Variants in SGCZ observed in about 807,000 individuals in gnomAD.
The protein encoded by SGCZ is zeta-sarcoglycan.
Under a neutral mutation model 41.3 loss-of-function variants are expected in SGCZ, and 40 were observed. That is an observed-to-expected ratio of 0.97 (90% CI 0.75 to 1.26). The LOEUF is 1.26. Ranked by LOEUF, SGCZ falls within the 50% of genes most tolerant of loss-of-function variation. The probability of loss-of-function intolerance (pLI) is 0.00; values close to 1 mark genes in which losing one functional copy is unlikely to be tolerated. For synonymous variants in SGCZ, 206 were observed against 137.5 expected (o/e 1.50, Z -3.49); for missense variants, 552 against 369.8 (o/e 1.49, Z -4.04).
intron 1 of SGCZ, among the ~76,000 whole-genome samples, chr8:14,676,749 T>A (rs553326825): frequency 3.3e-5 from 5 of 152,286 alleles, no homozygotes; most frequent in Admixed American, 2.6e-4. Context: ...GAAAAGAATC[T>A]GATAAAATCC....
At chr8:14,464,265 GA>G (rs1237727746) in intron 2 of SGCZ, among the ~76,000 whole-genome samples, 1 of 150,124 alleles carries the variant, frequency 6.7e-6, no homozygotes, top group African/African-American at 2.5e-5. Flanking sequence ...TTTGTCAGGA[GA>G]TTTTTTTTTG....
chr8:15,092,931 T>G (rs1563120992), intron 1 of SGCZ, among the ~76,000 whole-genome samples: 2 of 152,202 alleles, frequency 1.3e-5, no homozygotes, highest in South Asian at 4.1e-4. Flanking sequence ...AAATAACTCT[T>G]GGATATGCAA....
intron 2 of SGCZ, among the ~76,000 whole-genome samples, chr8:14,519,679 G>C (rs1319998628): frequency 6.6e-6 from 1 of 152,164 alleles, no homozygotes; most frequent in African/African-American, 2.4e-5. Context: ...TGAAAACTCA[G>C]TCTCGGCTGT....
chr8:14,995,057 G>A (rs1023951451), intron 1 of SGCZ, among the ~76,000 whole-genome samples: 1 of 152,234 alleles, frequency 6.6e-6, no homozygotes, highest in Non-Finnish European at 1.5e-5. Flanking sequence ...AACATCACTA[G>A]GACATACTGT....
At chr8:14,856,847 A>G (rs1193741370) in intron 1 of SGCZ, among the ~76,000 whole-genome samples, 2 of 152,170 alleles carry the variant, frequency 1.3e-5, no homozygotes, top group Non-Finnish European at 2.9e-5. Flanking sequence ...ACCATACCTC[A>G]CTATTTCTGA....
At position 14,139,922 on chromosome 8, in the gene SGCZ, T is replaced by C. The variant is rs183833110; in HGVS notation, c.547+24658A>G. Among the ~76,000 whole-genome samples the C allele has an allele frequency of 8.5e-4, 130 of 152,214 alleles. 1 individual carries two copies. Among genetic ancestry groups the C allele is most frequent in the African/African-American group, 2.3e-3 (97 of 41,534 alleles). ...GATCAATATCCCTGATAAACATCGA[T>C]GCAAAAATCCTCAATAAAATACTGG... On this transcript the variant is annotated intron_variant, in intron 5 of 7. Coordinates refer to ENST00000382080, the MANE Select transcript of SGCZ (RefSeq NM_139167.4).
intron 3 of SGCZ, among the ~76,000 whole-genome samples, chr8:14,265,092 G>A (rs941408789): frequency 4.6e-5 from 7 of 152,212 alleles, no homozygotes; most frequent in Admixed American, 3.3e-4. Flanking sequence ...TTAGGATACC[G>A]TGACCTCACC....
chr8:14,216,058 A>G (rs759215099), intron 4 of SGCZ, among the ~76,000 whole-genome samples: 3 of 152,246 alleles, frequency 2.0e-5, no homozygotes, highest in Non-Finnish European at 4.4e-5. Context: ...AGATTTAATG[A>G]CAAAGGCTTT....
In SGCZ at chr8:15,237,684, C is replaced by A; in HGVS notation, c.-61G>T. 6.5e-7 allele frequency: 1 copy of A among 1,540,042 alleles called. No individual in the cohort carries two copies. Among genetic ancestry groups the A allele is most frequent in the African/African-American group, 1.4e-5 (1 of 72,994 alleles). On this transcript the variant is annotated 5_prime_UTR_variant, in exon 1 of 8. Coordinates refer to ENST00000382080, the MANE Select transcript of SGCZ (RefSeq NM_139167.4). ...GAGTGGCACCCAAAAACAATCTAGT[C>A]TTTTAGTTTCCAGCTTAAACTCAGC...
At chr8:14,451,322 G>T (rs915110726) in intron 2 of SGCZ, among the ~76,000 whole-genome samples, 2 of 152,156 alleles carry the variant, frequency 1.3e-5, no homozygotes, top group Non-Finnish European at 2.9e-5. Context: ...TCTTAGAATA[G>T]AAAAGATGCA....
chr8:14,952,161 T>C (rs974667613), intron 1 of SGCZ, among the ~76,000 whole-genome samples: 21 of 152,176 alleles, frequency 1.4e-4, no homozygotes, highest in African/African-American at 5.1e-4. Context: ...AATATATTTT[T>C]TCATAAATCC....
chr8:14,270,982 G>T (rs745800300), intron 3 of SGCZ, among the ~76,000 whole-genome samples: 6 of 152,102 alleles, frequency 3.9e-5, no homozygotes, highest in Non-Finnish European at 8.8e-5. Context: ...TCACTCACAG[G>T]TGGGAATTGA....
chr8:14,820,135 G>A (rs553201727), intron 1 of SGCZ, among the ~76,000 whole-genome samples: 26 of 152,040 alleles, frequency 1.7e-4, no homozygotes, highest in East Asian at 3.9e-4. Flanking sequence ...GCATGCAAGA[G>A]ACTCACCTAA....
At chr8:14,706,683 G>C (rs11987672) in intron 1 of SGCZ, among the ~76,000 whole-genome samples, 2 of 152,108 alleles carry the variant, frequency 1.3e-5, no homozygotes, top group African/African-American at 4.8e-5. Context: ...AATGGTAGAA[G>C]CAAACACACT....
At chr8:15,178,013 GTAAGCCCCATGCTTGGGGCC>G in intron 1 of SGCZ, among the ~76,000 whole-genome samples, 1 of 152,048 alleles carries the variant, frequency 6.6e-6, no homozygotes, top group African/African-American at 2.4e-5. Flanking sequence ...ACCTCTACCT[GTAAGCCCCATGCTTGGGGCC>G]TAGCCTTGCA....
chr8:14,952,129 C>A (rs1800660243), intron 1 of SGCZ, among the ~76,000 whole-genome samples: 1 of 151,978 alleles, frequency 6.6e-6, no homozygotes, highest in Non-Finnish European at 1.5e-5. Flanking sequence ...TAGTTTCAGA[C>A]CTAGATAAAC....
chr8:14,172,347 C>T lies in SGCZ; in HGVS notation c.425-7645G>A, dbSNP rs949541502. ...AAGGGATATGGCCAACTCAGCACTG[C>T]CTCACCTTTCATTTGGAAGGAACAC... On this transcript the variant is annotated intron_variant, in intron 4 of 7. Transcript: ENST00000382080. Among the ~76,000 whole-genome samples, 36 of 152,202 alleles carry T rather than the reference C, an allele frequency of 2.4e-4. 1 individual carries two copies. The highest frequency in any genetic ancestry group is 8.2e-4 in the African/African-American group (34 of 41,550).
intron 1 of SGCZ, among the ~76,000 whole-genome samples, chr8:15,014,954 GA>G (rs995872547): frequency 6.6e-6 from 1 of 152,104 alleles, no homozygotes; most frequent in Non-Finnish European, 1.5e-5. Context: ...TCAAATTTCT[GA>G]AAAAAGGCGA....
intron 5 of SGCZ, among the ~76,000 whole-genome samples, chr8:14,111,743 G>A (rs1465113750): frequency 4.6e-5 from 7 of 152,098 alleles, no homozygotes; most frequent in Admixed American, 4.6e-4. Context: ...CCATTCATAT[G>A]ATAATTTCTG....
Sources: allele counts gnomAD v4.1 joint callset (sites outside exome capture counted in the v4.1 genomes callset), GRCh38; gene constraint gnomAD v4.1.1; transcripts MANE v1.5; gene names NCBI Gene and HGNC (gene_info 2026-07-23, HGNC 2026-07-21).